Variants in WDR53 observed in about 807,000 individuals in gnomAD.
WDR53 encodes WD repeat domain 53.
A neutral mutation model predicts 21.3 loss-of-function variants in WDR53; 19 were observed. The ratio of observed to expected loss-of-function variants is 0.89; its 90% CI spans 0.62 to 1.31. The LOEUF (loss-of-function observed/expected upper bound fraction) is 1.31. Among genes scored for constraint, WDR53 ranks in the 50% most tolerant of loss-of-function variants. The probability of loss-of-function intolerance (pLI) is 0.00; values close to 1 mark genes in which losing one functional copy is unlikely to be tolerated. For synonymous variants in WDR53, 157 were observed against 163.4 expected (o/e 0.96, Z 0.30); for missense variants, 374 against 423.2 (o/e 0.88, Z 1.02).
At chr3:196,558,794 T>C (rs998935138) in intron 3 of WDR53, among the ~76,000 whole-genome samples, 29 of 152,380 alleles carry the variant, frequency 1.9e-4, no homozygotes, top group Admixed American at 1.3e-4. Context: ...GAAATAATTA[T>C]AGAGTTTCAA....
At chr3:196,559,374 C>T (rs1218748447) in intron 3 of WDR53, among the ~76,000 whole-genome samples, 1 of 152,146 alleles carries the variant, frequency 6.6e-6, no homozygotes, top group Admixed American at 6.5e-5. Flanking sequence ...TCAACCCAGG[C>T]ACTACAGATG....
intron 3 of WDR53, among the ~76,000 whole-genome samples, chr3:196,560,278 T>C (rs1008580654): frequency 1.3e-5 from 2 of 150,638 alleles, no homozygotes; most frequent in Non-Finnish European, 2.9e-5. Flanking sequence ...AGTCTCACTC[T>C]GTTGCCTAGG....
At chr3:196,557,321 G>A (rs1173178635) in intron 3 of WDR53, among the ~76,000 whole-genome samples, 2 of 152,208 alleles carry the variant, frequency 1.3e-5, no homozygotes, top group African/African-American at 2.4e-5. Context: ...TGGCAGGACT[G>A]CTTGAGCCCA....
chr3:196,555,476 T>C (rs1166984865), intron 3 of WDR53, among the ~76,000 whole-genome samples: 1 of 152,250 alleles, frequency 6.6e-6, no homozygotes, highest in Non-Finnish European at 1.5e-5. Flanking sequence ...TTGATTAATA[T>C]GACATCCTGG....
intron 2 of WDR53, among the ~76,000 whole-genome samples, chr3:196,563,392 A>T (rs1326568434): frequency 6.6e-6 from 1 of 152,168 alleles, no homozygotes; most frequent in Non-Finnish European, 1.5e-5. Context: ...GAAGCAAATA[A>T]ATCTACCTGG....
chr3:196,561,263 A>T lies in WDR53; in HGVS notation c.213T>A (p.His71Gln). 1 of 1,614,184 alleles carries T rather than the reference A, an allele frequency of 6.2e-7. No homozygotes were observed. Among genetic ancestry groups the T allele is most frequent in the Non-Finnish European group, 8.5e-7 (1 of 1,180,006 alleles). ...CATCCAGTACACTAATGGTTTCTCCATGTGAGGCATAGAGCTTGGTGGGAC... is the reference window on the plus strand; with the variant it reads ...CATCCAGTACACTAATGGTTTCTCCTTGTGAGGCATAGAGCTTGGTGGGAC... The part of the protein sequence containing the change: ...PSCPTKLYAS[H>Q]GETISVLDVR... The change falls in exon 3 of 4, where the codon CAT becomes CAA. Residue 71 changes from histidine to glutamine, a missense_variant. His to Gln is a conservative substitution (Grantham distance 24, BLOSUM62 0). Coordinates refer to ENST00000332629, the MANE Select transcript of WDR53 (RefSeq NM_182627.3).
rs139573146 is a variant in WDR53 at position 196,556,869 on chromosome 3, C to G, written c.481-2062G>C. Among the ~76,000 whole-genome samples the G allele has an allele frequency of 4.7e-3, 720 of 152,266 alleles. 2 individuals are homozygous for G. The highest frequency in any genetic ancestry group is 0.016 in the African/African-American group (662 of 41,550). On this transcript the variant is annotated intron_variant, in intron 3 of 3. Coordinates refer to ENST00000332629, the MANE Select transcript of WDR53 (RefSeq NM_182627.3). The stretch of plus-strand genomic sequence containing the variant: ...ACCTTTTGTATTTGACTTAAATCAT[C>G]TAAATGTGTTAACAGCCATCCCAGA...
At chr3:196,560,179 T>C (rs941629014) in intron 3 of WDR53, among the ~76,000 whole-genome samples, 6 of 152,184 alleles carry the variant, frequency 3.9e-5, no homozygotes, top group Non-Finnish European at 8.8e-5. Context: ...AATGGGTTTC[T>C]AGATACATCT....
intron 3 of WDR53, among the ~76,000 whole-genome samples, chr3:196,555,992 A>AAAAT (rs1170126630): frequency 6.6e-6 from 1 of 152,252 alleles, no homozygotes; most frequent in Admixed American, 6.5e-5. Flanking sequence ...AAGCTAAAGT[A>AAAAT]AAATAAATAA....
intron 2 of WDR53, among the ~76,000 whole-genome samples, chr3:196,563,215 T>C (rs1735045190): frequency 6.6e-6 from 1 of 152,216 alleles, no homozygotes; most frequent in African/African-American, 2.4e-5. Context: ...ATCATCTACC[T>C]GCACTTACAC....
At chr3:196,559,591 T>C (rs1485576184) in intron 3 of WDR53, among the ~76,000 whole-genome samples, 2 of 152,124 alleles carry the variant, frequency 1.3e-5, no homozygotes, top group Admixed American at 6.6e-5. Flanking sequence ...GTGGAAGTCA[T>C]AACTGATGCT....
intron 1 of WDR53, 51 bp from the exon 2 acceptor site, chr3:196,567,358 G>A (rs781359063): frequency 1.3e-5 from 5 of 395,010 alleles, no homozygotes; most frequent in Non-Finnish European, 2.5e-5. Context: ...AAAAAGACAT[G>A]AGGAGAAGGG....
intron 2 of WDR53, among the ~76,000 whole-genome samples, chr3:196,566,589 T>C (rs1156264226): frequency 6.6e-6 from 1 of 151,892 alleles, no homozygotes; most frequent in African/African-American, 2.4e-5. Flanking sequence ...AATTTTTGTA[T>C]GTTTGGTAGA....
intron 2 of WDR53, among the ~76,000 whole-genome samples, chr3:196,563,572 A>G: frequency 7.6e-6 from 1 of 130,812 alleles, no homozygotes; most frequent in African/African-American, 3.0e-5. Flanking sequence ...TCCCAACACA[A>G]AGCTTTTTTT....
chr3:196,567,751 TTGTGTGTGTGTGTG>T (rs3080583), intron 1 of WDR53, among the ~76,000 whole-genome samples: 18 of 143,666 alleles, frequency 1.3e-4, no homozygotes, highest in African/African-American at 2.6e-4. Flanking sequence ...GCTGAAATTC[TTGTGTGTGTGTGTG>T]TGTGTGTGTG....
chr3:196,556,374 C>T (rs982452257), intron 3 of WDR53, among the ~76,000 whole-genome samples: 17 of 152,058 alleles, frequency 1.1e-4, no homozygotes, highest in African/African-American at 3.9e-4. Context: ...AATCTGAACA[C>T]GGCTGGGCAC....
intron 3 of WDR53, among the ~76,000 whole-genome samples, chr3:196,560,527 G>A (rs1486560373): frequency 7.9e-5 from 12 of 152,052 alleles, no homozygotes; most frequent in Non-Finnish European, 1.8e-4. Context: ...GTGAGCCACC[G>A]TGCCCAGCCG....
chr3:196,558,373 A>G (rs997804666), intron 3 of WDR53, among the ~76,000 whole-genome samples: 9 of 151,192 alleles, frequency 6.0e-5, no homozygotes, highest in Admixed American at 1.3e-4. Flanking sequence ...CACCTGGCTA[A>G]TTTTCGTATT....
At chr3:196,565,514 A>G (rs9843607) in intron 2 of WDR53, among the ~76,000 whole-genome samples, 69,955 of 146,292 alleles carry the variant, frequency 0.48, 16,878 homozygotes, top group African/African-American at 0.56. Context: ...GCAGTGGTGA[A>G]CTGAGATTGT....
Sources: gnomAD v4.1 joint callset for allele counts (sites outside exome capture counted in the v4.1 genomes callset) on GRCh38, gnomAD v4.1.1 for gene constraint, MANE v1.5 for transcripts, NCBI Gene and HGNC (gene_info 2026-07-23, HGNC 2026-07-21) for gene names.